PADI2: variants seen among roughly 807,000 people sequenced by gnomAD.
PADI2 encodes peptidyl arginine deiminase 2, also known as protein-arginine deiminase type-2.
PADI2 carries 70 observed loss-of-function variants against 81.1 expected under a neutral mutation model. That is an observed-to-expected ratio of 0.86 (90% CI 0.71 to 1.05). The LOEUF (loss-of-function observed/expected upper bound fraction) is 1.05. Ranked by LOEUF, PADI2 falls within the 50% of genes least tolerant of loss-of-function variation. The pLI, the probability that PADI2 is intolerant of heterozygous loss-of-function variation, is 0.00. For missense variants in PADI2, 853 were observed against 889.9 expected, an observed-to-expected ratio of 0.96 and a Z score of 0.53; for synonymous variants, 338 against 358.0, an observed-to-expected ratio of 0.94 and a Z score of 0.63.
At position 17,096,654 on chromosome 1, in the gene PADI2, C is replaced by T. The variant is rs150197144; in HGVS notation, c.350-684G>A. Among the ~76,000 whole-genome samples, 492 of 152,332 alleles carry T rather than the reference C, an allele frequency of 3.2e-3. 1 individual carries two copies. The highest frequency in any genetic ancestry group is 0.011 in the African/African-American group (465 of 41,586). ...CTCTTGGTGAAGGGACCCTCAGCAT[C>T]CCTAGGCCTGCCATGGAGACAGGCT... On this transcript the variant is annotated intron_variant, in intron 3 of 15. Transcript: ENST00000375486.
intron 13 of PADI2, among the ~76,000 whole-genome samples, chr1:17,073,737 G>T (rs1169934790): frequency 6.6e-6 from 1 of 151,966 alleles, no homozygotes; most frequent in Admixed American, 6.6e-5. Flanking sequence ...ACCTGCACAT[G>T]TACCCCCTAA....
rs371076517 is a variant in PADI2 at position 17,098,090 on chromosome 1, GACC to G, written c.350-2123_350-2121del. 2.4e-3 allele frequency among the ~76,000 whole-genome samples: 370 copies of G among 152,206 alleles called. 2 individuals carry two copies. The highest frequency in any genetic ancestry group is 8.7e-3 in the African/African-American group (363 of 41,514). ...AAACCCAGGCCCGCAGCAGGGAAGT[GACC>G]ACCGAAGTTCCCAGAACGCAGAGCC... On this transcript the variant is annotated intron_variant, in intron 3 of 15. Coordinates refer to ENST00000375486, the MANE Select transcript of PADI2 (RefSeq NM_007365.3).
At chr1:17,116,706 G>A (rs1010354491) in intron 1 of PADI2, among the ~76,000 whole-genome samples, 7 of 152,102 alleles carry the variant, frequency 4.6e-5, no homozygotes, top group African/African-American at 1.7e-4. Context: ...TGGACAAATG[G>A]CTTCATCTCT....
At chr1:17,097,918 T>C (rs1930997444) in intron 3 of PADI2, among the ~76,000 whole-genome samples, 1 of 152,144 alleles carries the variant, frequency 6.6e-6, no homozygotes, top group African/African-American at 2.4e-5. Context: ...CCAGCCTCTT[T>C]AGGGAGCCAC....
chr1:17,083,489 C>T (rs771323274), intron 9 of PADI2: 3 of 492,144 alleles, frequency 6.1e-6, no homozygotes, highest in African/African-American at 3.9e-5. Flanking sequence ...CCGGGAAGGC[C>T]GTTACTCAGT....
At chr1:17,083,531 A>G in intron 9 of PADI2, 195 bp downstream of exon 9, 1 of 569,820 alleles carries the variant, frequency 1.8e-6, no homozygotes, top group Non-Finnish European at 3.1e-6. Flanking sequence ...GTTGCTTTGC[A>G]ATCTTTTGCT....
intron 11 of PADI2, chr1:17,078,960 T>C: frequency 5.2e-6 from 1 of 191,170 alleles, no homozygotes; most frequent in South Asian, 1.3e-4. Context: ...CCTCCCAAAG[T>C]GTTGGGATTA....
At chr1:17,083,590 C>T (rs1051846638) in intron 9 of PADI2, 136 bp downstream of exon 9, 2 of 646,604 alleles carry the variant, frequency 3.1e-6, no homozygotes, top group African/African-American at 1.8e-5. Flanking sequence ...TGTCTTTGTG[C>T]ACATGTGCAG....
At chr1:17,075,474 G>A (rs1340901939) in intron 12 of PADI2, 2 of 499,768 alleles carry the variant, frequency 4.0e-6, no homozygotes, top group Non-Finnish European at 7.0e-6. Context: ...TTTTTAGGCT[G>A]ATTATGTGTT....
intron 6 of PADI2, among the ~76,000 whole-genome samples, chr1:17,091,866 C>T (rs1051200748): frequency 6.6e-6 from 1 of 152,144 alleles, no homozygotes; most frequent in African/African-American, 2.4e-5. Context: ...GAGAACAGGG[C>T]CTGGCACCAA....
chr1:17,073,529 T>A (rs1416825283), intron 13 of PADI2, among the ~76,000 whole-genome samples: 1 of 151,876 alleles, frequency 6.6e-6, no homozygotes, highest in African/African-American at 2.4e-5. Context: ...AAATAACAAA[T>A]GTGTTAGATT....
At chr1:17,098,611 T>A (rs927037420) in intron 3 of PADI2, among the ~76,000 whole-genome samples, 1 of 152,176 alleles carries the variant, frequency 6.6e-6, no homozygotes, top group South Asian at 2.1e-4. Flanking sequence ...TTCAGACAGG[T>A]TTCGTTACCT....
In PADI2 at chr1:17,095,929, C is replaced by G; in HGVS notation, c.391G>C (p.Glu131Gln). ...DVDADRDGVV[E>Q]KNNPKKASWT... ...GGTACCTTCTTTGGGTTGTTCTTCT[C>G]CACCACACCATCCCGGTCTGCGTCC... Residue 131 changes from glutamate (E) to glutamine (Q), a missense_variant, in exon 4 of 16, where the codon GAG becomes CAG. Physicochemically the swap from Glu to Gln is conservative, Grantham distance 29 (BLOSUM62 2). Transcript: ENST00000375486. The G allele has an allele frequency of 6.2e-7, 1 of 1,608,486 alleles. No homozygotes were observed. The highest frequency in any genetic ancestry group is 8.5e-7 in the Non-Finnish European group (1 of 1,177,466).
Position 17,084,699 on chromosome 1 carries a change from T to A in PADI2, c.838A>T (p.Ile280Phe). 6.4e-7 allele frequency: 1 copy of A among 1,552,096 alleles called. No homozygotes were observed. The highest frequency in any genetic ancestry group is 8.7e-7 in the Non-Finnish European group (1 of 1,146,544). Residue 280 changes from isoleucine to phenylalanine, a missense_variant, in exon 8 of 16, where the codon ATT becomes TTT. By Grantham distance (21) the Ile-to-Phe change is conservative. Transcript: ENST00000375486. The part of the protein sequence containing the change: ...VSLLEYMAQD[I>F]PLTPIFTDTV... ...TCCGTGAAGATGGGAGTCAGGGGAA[T>A]GTCCTGGGTGTGGGAGACAAGGCGT... is the stretch of plus-strand genomic sequence containing the variant.
At chr1:17,093,451 C>T (rs575082412) in intron 5 of PADI2, 116 bp downstream of exon 5, 3 of 690,058 alleles carry the variant, frequency 4.3e-6, no homozygotes, top group African/African-American at 3.6e-5. Flanking sequence ...AATTTGTGTC[C>T]ACCATCCCCA....
At chr1:17,112,402 C>T (rs557841911) in intron 1 of PADI2, among the ~76,000 whole-genome samples, 14 of 152,254 alleles carry the variant, frequency 9.2e-5, no homozygotes, top group South Asian at 6.2e-4. Context: ...TGGCATCTGG[C>T]TTTCTTAGCT....
chr1:17,084,336 A>ATGCCTCCACTGCATAG, intron 8 of PADI2, among the ~76,000 whole-genome samples: 1 of 152,356 alleles, frequency 6.6e-6, no homozygotes, highest in Middle Eastern at 3.4e-3. Context: ...ACTGCCTGGT[A>ATGCCTCCACTGCATAG]GAGGGTTAAG....
chr1:17,072,807 G>A (rs1167306482), intron 13 of PADI2, among the ~76,000 whole-genome samples: 2 of 152,130 alleles, frequency 1.3e-5, no homozygotes, highest in African/African-American at 4.8e-5. Context: ...GGCACTGCTT[G>A]CCCCTATTTG....
intron 5 of PADI2, 51 bp downstream of exon 5, chr1:17,093,516 A>G: frequency 8.1e-7 from 1 of 1,232,360 alleles, no homozygotes; most frequent in Non-Finnish European, 1.2e-6. Flanking sequence ...ACTGGGCATG[A>G]ATCTTTTCAC....
Sources: allele counts gnomAD v4.1 joint callset (sites outside exome capture counted in the v4.1 genomes callset), GRCh38; gene constraint gnomAD v4.1.1; transcripts MANE v1.5; gene names NCBI Gene and HGNC (gene_info 2026-07-23, HGNC 2026-07-21).